CFAP107: variants seen among roughly 807,000 people sequenced by gnomAD.
CFAP107 encodes cilia and flagella associated protein 107.
chr1:12,760,775 C>T, the CFAP107 span: 2 of 1,613,194 alleles, frequency 1.2e-6, no homozygotes, highest in African/African-American at 2.7e-5. Context: ...TGCAGCTCCC[C>T]CTACAAACTA....
chr1:12,752,381 T>C, the CFAP107 span, among the ~76,000 whole-genome samples: 4 of 151,636 alleles, frequency 2.6e-5, no homozygotes, highest in Admixed American at 2.6e-4. Flanking sequence ...GGTCATGAGT[T>C]TGAGACCAGC....
chr1:12,750,786 A>G, the CFAP107 span, among the ~76,000 whole-genome samples: 2 of 152,138 alleles, frequency 1.3e-5, no homozygotes, highest in African/African-American at 2.4e-5. Flanking sequence ...TAGTAGAACA[A>G]CCCTATAGAT....
chr1:12,761,045 A>C, the CFAP107 span: 5 of 1,281,376 alleles, frequency 3.9e-6, no homozygotes, highest in Middle Eastern at 2.2e-4. Context: ...ATAAACTCAG[A>C]GTACGAGATC....
chr1:12,748,365 G>A, the CFAP107 span, among the ~76,000 whole-genome samples: 8 of 151,628 alleles, frequency 5.3e-5, 1 homozygote, highest in African/African-American at 1.9e-4. Context: ...ATGGATAGAG[G>A]AATACAATAG....
At chr1:12,748,775 A>G in the CFAP107 span, among the ~76,000 whole-genome samples, 1 of 152,244 alleles carries the variant, frequency 6.6e-6, no homozygotes, top group Non-Finnish European at 1.5e-5. Flanking sequence ...ACTTTAAAAC[A>G]ACCATCTTAA....
At chr1:12,750,569 G>A in the CFAP107 span, among the ~76,000 whole-genome samples, 2 of 152,156 alleles carry the variant, frequency 1.3e-5, no homozygotes, top group African/African-American at 2.4e-5. Flanking sequence ...CCAGAAGGGA[G>A]CAGGTATGGC....
chr1:12,751,961 G>A, the CFAP107 span, among the ~76,000 whole-genome samples: 1,039 of 152,222 alleles, frequency 6.8e-3, 10 homozygotes, highest in African/African-American at 0.024. Context: ...GATTGAATTA[G>A]TAACCAAAAA....
the CFAP107 span, among the ~76,000 whole-genome samples, chr1:12,751,511 C>T: frequency 1.7e-3 from 254 of 152,074 alleles, 1 homozygote; most frequent in African/African-American, 5.9e-3. Context: ...CCTGTAATTC[C>T]AACTACTAGG....
chr1:12,760,072 G>A, the CFAP107 span, among the ~76,000 whole-genome samples: 1 of 152,082 alleles, frequency 6.6e-6, no homozygotes, highest in Non-Finnish European at 1.5e-5. Flanking sequence ...AGGAGATAGA[G>A]TTGAATTGGG....
the CFAP107 span, chr1:12,746,267 T>C: frequency 1.9e-6 from 1 of 524,840 alleles, no homozygotes; most frequent in Non-Finnish European, 3.5e-6. Context: ...CTTGGGGCCG[T>C]TTTATTCTCT....
chr1:12,746,269 T>G, the CFAP107 span: 4 of 526,402 alleles, frequency 7.6e-6, no homozygotes, highest in East Asian at 1.0e-4. Flanking sequence ...TGGGGCCGTT[T>G]TATTCTCTGA....
At chr1:12,760,417 A>G in the CFAP107 span, among the ~76,000 whole-genome samples, 1 of 152,188 alleles carries the variant, frequency 6.6e-6, no homozygotes, top group Non-Finnish European at 1.5e-5. Context: ...ATTCTTCTCA[A>G]CATCACTCTC....
At chr1:12,750,515 G>A in the CFAP107 span, among the ~76,000 whole-genome samples, 1 of 152,204 alleles carries the variant, frequency 6.6e-6, no homozygotes, top group East Asian at 1.9e-4. Flanking sequence ...ACACATGTAA[G>A]TTGAAAGTGA....
chr1:12,749,471 C>A, the CFAP107 span, among the ~76,000 whole-genome samples: 1 of 152,178 alleles, frequency 6.6e-6, no homozygotes. Context: ...ATTAGCTGGG[C>A]ACAGTGGTAT....
At chr1:12,758,582 C>A in the CFAP107 span, among the ~76,000 whole-genome samples, 1 of 152,138 alleles carries the variant, frequency 6.6e-6, no homozygotes. Context: ...CAGACACAGG[C>A]CTCCCTGTCT....
chr1:12,749,791 C>T, the CFAP107 span, among the ~76,000 whole-genome samples: 1 of 152,114 alleles, frequency 6.6e-6, no homozygotes, highest in South Asian at 2.1e-4. Context: ...TTAAGACATT[C>T]CCAGATAAAC....
At chr1:12,762,558 G>C in the CFAP107 span, 1 of 152,620 alleles carries the variant, frequency 6.6e-6, no homozygotes, top group Admixed American at 6.5e-5. Context: ...GACAGGAGGA[G>C]GAGCCAGGGG....
At chr1:12,750,952 T>G in the CFAP107 span, among the ~76,000 whole-genome samples, 1 of 152,064 alleles carries the variant, frequency 6.6e-6, no homozygotes, top group Non-Finnish European at 1.5e-5. Context: ...CAAAGTATCT[T>G]TCCTGATCAC....
chr1:12,760,504 G>C, the CFAP107 span, among the ~76,000 whole-genome samples: 1 of 152,156 alleles, frequency 6.6e-6, no homozygotes, highest in Non-Finnish European at 1.5e-5. Flanking sequence ...CCACACCATG[G>C]GGCTGACTTT....
Sources: allele counts gnomAD v4.1 joint callset (sites outside exome capture counted in the v4.1 genomes callset), GRCh38; gene constraint gnomAD v4.1.1; transcripts MANE v1.5; gene names NCBI Gene and HGNC (gene_info 2026-07-23, HGNC 2026-07-21).